Variants in FOXK2 observed in about 807,000 individuals in gnomAD.
FOXK2 encodes forkhead box protein K2.
A neutral mutation model predicts 53.3 loss-of-function variants in FOXK2; 24 were observed. The ratio of observed to expected loss-of-function variants is 0.45; its 90% CI spans 0.33 to 0.63. The LOEUF is 0.63. Among genes scored for constraint, FOXK2 ranks in the 30% least tolerant of loss-of-function variants. FOXK2 has a pLI of 0.03. For missense variants in FOXK2, 952 were observed against 910.5 expected, an observed-to-expected ratio of 1.05 and a Z score of -0.59; for synonymous variants, 505 against 407.1, an observed-to-expected ratio of 1.24 and a Z score of -2.89.
chr17:82,540,230 G>A (rs1255692017), intron 1 of FOXK2, among the ~76,000 whole-genome samples: 2 of 151,462 alleles, frequency 1.3e-5, no homozygotes, highest in African/African-American at 2.4e-5. Flanking sequence ...GCGGTGAGCC[G>A]AGGTCATGCC....
chr17:82,574,183 T>C (rs1485176688), intron 4 of FOXK2, among the ~76,000 whole-genome samples: 1 of 152,182 alleles, frequency 6.6e-6, no homozygotes, highest in East Asian at 1.9e-4. Context: ...TAGATGGAGG[T>C]CTGTAAGTCT....
Position 82,584,135 on chromosome 17 carries a change from C to T in FOXK2, c.1226C>T (p.Ala409Val). The T allele has an allele frequency of 6.2e-7, 1 of 1,610,694 alleles. No individual in the cohort carries two copies. The highest frequency in any genetic ancestry group is 8.5e-7 in the Non-Finnish European group (1 of 1,179,700). The stretch of plus-strand genomic sequence containing the variant: ...CCCCTGGAGCCTGAGCCTGGCGCTG[C>T]ACAGCCCAAACTCGCTGTCATCCAG... ...PAPLEPEPGA[A>V]QPKLAVIQEA... Residue 409 changes from alanine to valine, a missense_variant, in exon 6 of 9, where the codon GCA becomes GTA. Transcript: ENST00000335255.
At chr17:82,541,126 C>T (rs1322858821) in intron 1 of FOXK2, among the ~76,000 whole-genome samples, 1 of 152,068 alleles carries the variant, frequency 6.6e-6, no homozygotes, top group Non-Finnish European at 1.5e-5. Flanking sequence ...ATGGATTCAC[C>T]TTTTAGCATA....
chr17:82,530,979 G>A (rs1243109025), intron 1 of FOXK2, among the ~76,000 whole-genome samples: 1 of 152,150 alleles, frequency 6.6e-6, no homozygotes, highest in Non-Finnish European at 1.5e-5. Context: ...ATTTGAGCTG[G>A]GTGGAAGAAG....
intron 4 of FOXK2, among the ~76,000 whole-genome samples, chr17:82,577,542 G>A (rs993144715): frequency 5.9e-5 from 9 of 152,064 alleles, no homozygotes; most frequent in Non-Finnish European, 1.0e-4. Flanking sequence ...CCAGCCCTGG[G>A]TTAGGGCCCC....
chr17:82,567,471 C>T (rs781727194), intron 2 of FOXK2, among the ~76,000 whole-genome samples: 4 of 152,016 alleles, frequency 2.6e-5, no homozygotes, highest in East Asian at 1.9e-4. Flanking sequence ...GTGTCCCGGG[C>T]GCCCCCAGCT....
chr17:82,548,875 G>A (rs1479859305), intron 1 of FOXK2, among the ~76,000 whole-genome samples: 1 of 152,152 alleles, frequency 6.6e-6, no homozygotes, highest in African/African-American at 2.4e-5. Flanking sequence ...TCTCACCTCC[G>A]AGGAGCGGTT....
chr17:82,541,080 C>T (rs1465977969), intron 1 of FOXK2, among the ~76,000 whole-genome samples: 1 of 151,996 alleles, frequency 6.6e-6, no homozygotes, highest in Non-Finnish European at 1.5e-5. Flanking sequence ...CAAGCAAATT[C>T]CTGTGTGAGC....
chr17:82,543,129 G>A (rs1467280926), intron 1 of FOXK2, among the ~76,000 whole-genome samples: 1 of 152,174 alleles, frequency 6.6e-6, no homozygotes, highest in Non-Finnish European at 1.5e-5. Flanking sequence ...TTCCCACGTG[G>A]GGGTTTCGTT....
At chr17:82,557,760 T>C (rs2044747295) in intron 1 of FOXK2, among the ~76,000 whole-genome samples, 1 of 152,216 alleles carries the variant, frequency 6.6e-6, no homozygotes, top group Non-Finnish European at 1.5e-5. Context: ...GCAATCCTCC[T>C]GCCTCAGCCT....
At position 82,586,206 on chromosome 17, in the gene FOXK2, C is replaced by CG. The variant is rs1555642282; in HGVS notation, c.1576+8dup. On this transcript the variant is annotated splice_region_variant and intron_variant, in intron 7 of 8. Coordinates refer to ENST00000335255, the MANE Select transcript of FOXK2 (RefSeq NM_004514.4). ...AGACCACAGGGAAGTCAAAGGTAGG[C>CG]GGAGGGGAAAGGAGGAGAGGGGAGA... is the stretch of plus-strand genomic sequence containing the variant. 4,581 of 1,493,408 alleles carry CG rather than the reference C, an allele frequency of 3.1e-3. 165 individuals are homozygous for CG. In the African/African-American group the frequency reaches 0.064, roughly 21 times the overall value. 92.5% of individuals were successfully genotyped at this position (1,493,408 alleles called of 1,614,324 possible).
Position 82,601,604 on chromosome 17 carries a change from C to T in FOXK2, c.*105C>T. On this transcript the variant is annotated 3_prime_UTR_variant, in exon 9 of 9. Transcript: ENST00000335255. ...TGCAGGGCCCTGTGGTTGGACTTCACCTCTCAGCACTGAAAACCCAAAACC... is the reference window on the plus strand; with the variant it reads ...TGCAGGGCCCTGTGGTTGGACTTCATCTCTCAGCACTGAAAACCCAAAACC... 1 of 1,195,702 alleles carries T rather than the reference C, an allele frequency of 8.4e-7. No individual in the cohort carries two copies. The highest frequency in any genetic ancestry group is 1.1e-6 in the Non-Finnish European group (1 of 877,296). The allele number at this position is 1,195,702 out of a possible 1,614,324, so 74.1% of individuals were successfully genotyped here.
intron 4 of FOXK2, among the ~76,000 whole-genome samples, chr17:82,581,554 C>T (rs978666950): frequency 7.3e-5 from 11 of 151,346 alleles, no homozygotes; most frequent in African/African-American, 2.4e-4. Flanking sequence ...CGGCTCACTG[C>T]AAGCTCTGCC....
chr17:82,520,124 A>G lies in FOXK2; in HGVS notation c.236A>G (p.His79Arg). 6.7e-7 allele frequency: 1 copy of G among 1,491,056 alleles called. No homozygotes were observed. 92.4% of individuals were successfully genotyped at this position (1,491,056 alleles called of 1,614,324 possible). Residue 79 changes from histidine to arginine, a missense_variant, in exon 1 of 9, where the codon CAC (histidine) becomes CGC (arginine). Around this residue, in one of 5 missense-constraint regions of FOXK2, gnomAD observed 163 missense variants for 165.5 expected, o/e 0.98. Transcript: ENST00000335255. Reference protein sequence around the residue: ...MGHSSFISRRHLEIFTPPGGG... With the variant: ...MGHSSFISRRRLEIFTPPGGG... Reference sequence around the variant, plus strand: ...CACTCGAGCTTCATCTCCCGGCGCCACCTCGAGATCTTCACGCCCCCGGGC... The same window carrying G: ...CACTCGAGCTTCATCTCCCGGCGCCGCCTCGAGATCTTCACGCCCCCGGGC...
chr17:82,541,883 A>ATT (rs557786535), intron 1 of FOXK2, among the ~76,000 whole-genome samples: 5 of 141,520 alleles, frequency 3.5e-5, no homozygotes, highest in Non-Finnish European at 4.7e-5. Context: ...AGCTAATTAA[A>ATT]TTTTTTTTTT....
chr17:82,592,948 C>A (rs974650389), intron 8 of FOXK2, among the ~76,000 whole-genome samples: 1 of 149,518 alleles, frequency 6.7e-6, no homozygotes, highest in Non-Finnish European at 1.5e-5. Flanking sequence ...CTCCCTGCGC[C>A]GGGCACAGGC....
At chr17:82,543,565 C>T (rs993101052) in intron 1 of FOXK2, among the ~76,000 whole-genome samples, 5 of 152,160 alleles carry the variant, frequency 3.3e-5, no homozygotes, top group Admixed American at 2.6e-4. Flanking sequence ...GTTCTGGGCT[C>T]TGCTCTGAGA....
chr17:82,533,135 G>T (rs2044488152), intron 1 of FOXK2, among the ~76,000 whole-genome samples: 1 of 152,148 alleles, frequency 6.6e-6, no homozygotes, highest in South Asian at 2.1e-4. Flanking sequence ...CCTACCTGGG[G>T]CTGTTGTATA....
Position 82,547,556 on chromosome 17 carries a change from C to T in FOXK2, c.420-15798C>T, listed in dbSNP as rs142785601. Among the ~76,000 whole-genome samples, 532 of 152,228 alleles carry T rather than the reference C, an allele frequency of 3.5e-3. 4 individuals carry two copies. Among genetic ancestry groups the T allele is most frequent in the African/African-American group, 0.012 (511 of 41,538 alleles). ...GCTTAGTTGCTATTTTTCTGTTTTA[C>T]AGTGTGCAATACTGTAATATAATTT... On this transcript the variant is annotated intron_variant, in intron 1 of 8. Transcript: ENST00000335255.
Sources: allele counts gnomAD v4.1 joint callset (sites outside exome capture counted in the v4.1 genomes callset), GRCh38; gene constraint gnomAD v4.1.1; regional missense constraint gnomAD v4.1.1; transcripts MANE v1.5; gene names NCBI Gene and HGNC (gene_info 2026-07-23, HGNC 2026-07-21).